SLCO1A2: variants seen among roughly 807,000 people sequenced by gnomAD.
SLCO1A2 encodes OATP-1.
SLCO1A2 carries 67 observed loss-of-function variants against 69.0 expected under a neutral mutation model. The ratio of observed to expected loss-of-function variants is 0.97; its 90% CI spans 0.80 to 1.19. The LOEUF (loss-of-function observed/expected upper bound fraction) is 1.19, where lower values mean the gene tolerates loss of function less well. Among genes scored for constraint, SLCO1A2 ranks in the 50% most tolerant of loss-of-function variants. The pLI, the probability that SLCO1A2 is intolerant of heterozygous loss-of-function variation, is 0.00. For synonymous variants in SLCO1A2, 260 were observed against 265.9 expected, an observed-to-expected ratio of 0.98 and a Z score of 0.22; for missense variants, 787 against 793.7, an observed-to-expected ratio of 0.99 and a Z score of 0.10.
upstream of SLCO1A2, among the ~76,000 whole-genome samples, chr12:21,338,784 C>A (rs1046028829): frequency 4.0e-5 from 6 of 151,724 alleles, no homozygotes; most frequent in South Asian, 4.1e-4. Flanking sequence ...TGAGCTGCTC[C>A]TTTTTCTCAT....
At chr12:21,318,473 G>C (rs143365529) in intron 3 of SLCO1A2, among the ~76,000 whole-genome samples, 23 of 152,100 alleles carry the variant, frequency 1.5e-4, no homozygotes, top group African/African-American at 5.5e-4. Context: ...GTATCCCTTA[G>C]GGTTATCAAA....
At chr12:21,349,033 T>A (rs1238050884) in intron 2 of SLCO1A2, among the ~76,000 whole-genome samples, 9 of 152,092 alleles carry the variant, frequency 5.9e-5, no homozygotes, top group Non-Finnish European at 1.0e-4. Flanking sequence ...ATATGGGAAA[T>A]CTGTGTACTC....
At chr12:21,333,618 A>G (rs191888402) in intron 2 of SLCO1A2, among the ~76,000 whole-genome samples, 1 of 152,210 alleles carries the variant, frequency 6.6e-6, no homozygotes, top group African/African-American at 2.4e-5. Context: ...ACTCCAAAGC[A>G]ATCAAAAATT....
At chr12:21,274,388 AG>A in intron 14 of SLCO1A2, 80 bp downstream of exon 14, 1 of 855,642 alleles carries the variant, frequency 1.2e-6, no homozygotes, top group Non-Finnish European at 1.9e-6. Context: ...CACTTGACAA[AG>A]AAAAAGTTAC....
In SLCO1A2 at chr12:21,300,362, T is replaced by C. The variant is rs1187505016; in HGVS notation, c.896A>G (p.Tyr299Cys). The change falls in exon 8 of 15, where the codon TAT becomes TGT. Residue 299 changes from tyrosine to cysteine, a missense_variant. By Grantham distance (194) the Tyr-to-Cys change is radical. Coordinates refer to ENST00000683939, the MANE Select transcript of SLCO1A2 (RefSeq NM_001386879.1). Reference protein sequence around the residue: ...KQKEEVKKEKYGITKDFLPFM... With the variant: ...KQKEEVKKEKCGITKDFLPFM... The stretch of plus-strand genomic sequence containing the variant: ...TGTATATTTGCCTTTAGTGATTCCA[T>C]ATTTTTCCTTCTTGACCTCTTCTTT... The C allele has an allele frequency of 1.9e-6, 3 of 1,609,728 alleles. No homozygotes were observed. Among genetic ancestry groups the C allele is most frequent in the Admixed American group, 1.7e-5 (1 of 59,720 alleles).
At chr12:21,393,681 C>G (rs929526343) in intron 1 of SLCO1A2, among the ~76,000 whole-genome samples, 1 of 152,110 alleles carries the variant, frequency 6.6e-6, no homozygotes, top group Non-Finnish European at 1.5e-5. Flanking sequence ...AAGAGATAAA[C>G]AGATACGGTT....
chr12:21,307,785 C>T (rs1949610514), intron 4 of SLCO1A2, among the ~76,000 whole-genome samples: 1 of 152,130 alleles, frequency 6.6e-6, no homozygotes, highest in East Asian at 1.9e-4. Flanking sequence ...AGAAAACTTG[C>T]CCTTCTGAGT....
intron 1 of SLCO1A2, among the ~76,000 whole-genome samples, chr12:21,407,019 T>C (rs972412483): frequency 1.3e-5 from 2 of 152,166 alleles, no homozygotes; most frequent in Non-Finnish European, 2.9e-5. Flanking sequence ...CACCCATACC[T>C]ACCTCCTTGT....
chr12:21,415,801 C>T (rs1941979509), intron 1 of SLCO1A2, among the ~76,000 whole-genome samples: 1 of 151,948 alleles, frequency 6.6e-6, no homozygotes, highest in African/African-American at 2.4e-5. Flanking sequence ...TCTTTCAATA[C>T]AAAGACTTGT....
chr12:21,334,651 G>A lies in SLCO1A2; in HGVS notation c.-4C>T, dbSNP rs139732500. On this transcript the variant is annotated 5_prime_UTR_variant, in exon 2 of 15. Transcript: ENST00000683939. The stretch of plus-strand genomic sequence containing the variant: ...TTCTTTTCTCAGTTTCTCCCATGTT[G>A]CTCTTCAGGGTGTTCCAAGCTATTT... 1.2e-6 allele frequency: 2 copies of A among 1,607,474 alleles called. No homozygotes were observed. Among genetic ancestry groups the A allele is most frequent in the Admixed American group, 3.4e-5 (2 of 59,298 alleles).
At chr12:21,345,051 T>C (rs1310428613) in intron 2 of SLCO1A2, among the ~76,000 whole-genome samples, 2 of 152,034 alleles carry the variant, frequency 1.3e-5, no homozygotes, top group African/African-American at 2.4e-5. Flanking sequence ...ATCATAAAAA[T>C]ACTAAAAGCC....
In SLCO1A2 at chr12:21,276,545, C is replaced by CA. The variant is rs147561216; in HGVS notation, c.1611-1122dup. Reference sequence around the variant, plus strand: ...ACCAAATTTAACAACTATCTACATACAAAAAAAAACCAAAAAAAACCTTTG... The same window carrying CA: ...ACCAAATTTAACAACTATCTACATACAAAAAAAAAACCAAAAAAAACCTTTG... On this transcript the variant is annotated intron_variant, in intron 12 of 14. Transcript: ENST00000683939. Among the ~76,000 whole-genome samples the CA allele has an allele frequency of 1.5e-3, 150 of 100,600 alleles. 2 individuals carry two copies. The highest frequency in any genetic ancestry group is 9.5e-3 in the African/African-American group (131 of 13,820). 66.0% of individuals were successfully genotyped at this position (100,600 alleles called of 152,430 possible).
intron 2 of SLCO1A2, among the ~76,000 whole-genome samples, chr12:21,363,847 G>A (rs973163561): frequency 6.6e-6 from 1 of 152,132 alleles, no homozygotes; most frequent in Non-Finnish European, 1.5e-5. Flanking sequence ...ACTAAACCAG[G>A]AAGAAGCTGA....
intron 2 of SLCO1A2, among the ~76,000 whole-genome samples, chr12:21,370,617 A>G (rs1939713390): frequency 2.0e-5 from 3 of 151,954 alleles, no homozygotes; most frequent in Non-Finnish European, 4.4e-5. Context: ...TTAGGGTAAG[A>G]GAGGATCCAT....
At chr12:21,396,623 A>G (rs1261273425), upstream of SLCO1A2, among the ~76,000 whole-genome samples, 23 of 152,146 alleles carry the variant, frequency 1.5e-4, no homozygotes, top group African/African-American at 5.3e-4. Context: ...AGCCAGAGAG[A>G]AAGGTCGGGT....
At chr12:21,287,364 G>T (rs1946043583) in intron 12 of SLCO1A2, among the ~76,000 whole-genome samples, 1 of 121,538 alleles carries the variant, frequency 8.2e-6, no homozygotes, top group Non-Finnish European at 1.7e-5. Flanking sequence ...GGAAACAACA[G>T]GTGCTGGAGA....
At chr12:21,388,548 G>C (rs1208478330) in intron 1 of SLCO1A2, among the ~76,000 whole-genome samples, 1 of 152,020 alleles carries the variant, frequency 6.6e-6, no homozygotes, top group East Asian at 1.9e-4. Context: ...ATGATTGTGA[G>C]GCCTCCCCAG....
intron 2 of SLCO1A2, among the ~76,000 whole-genome samples, chr12:21,361,583 A>G (rs547596044): frequency 2.0e-5 from 3 of 152,200 alleles, no homozygotes; most frequent in African/African-American, 7.2e-5. Context: ...ATTGGTAATA[A>G]CAAACTTCTC....
At chr12:21,371,942 C>T (rs1939826223) in intron 2 of SLCO1A2, among the ~76,000 whole-genome samples, 1 of 151,228 alleles carries the variant, frequency 6.6e-6, no homozygotes, top group Non-Finnish European at 1.5e-5. Flanking sequence ...GCACAGGTTA[C>T]AGTGAGCCGA....
Sources: allele counts gnomAD v4.1 joint callset (sites outside exome capture counted in the v4.1 genomes callset), GRCh38; gene constraint gnomAD v4.1.1; transcripts MANE v1.5; gene names NCBI Gene and HGNC (gene_info 2026-07-23, HGNC 2026-07-21).